RP1L1: variants seen among roughly 807,000 people sequenced by gnomAD.
The protein encoded by RP1L1 is retinitis pigmentosa 1-like 1 protein.
Under a neutral mutation model 15.7 loss-of-function variants are expected in RP1L1, and 27 were observed. The observed-to-expected ratio is 1.72, with a 90% CI of 1.27 to 2.38. RP1L1 has a LOEUF of 2.38. Among genes scored for constraint, RP1L1 ranks in the 30% most tolerant of loss-of-function variants. The pLI, the probability that RP1L1 is intolerant of heterozygous loss-of-function variation, is 0.00. For missense variants in RP1L1, 4,798 were observed against 3,075.9 expected, an observed-to-expected ratio of 1.56 and a Z score of -13.24; for synonymous variants, 1,813 against 1,276.7, an observed-to-expected ratio of 1.42 and a Z score of -8.96.
chr8:10,639,549 T>C (rs1177587570), intron 1 of RP1L1, among the ~76,000 whole-genome samples: 2 of 152,110 alleles, frequency 1.3e-5, no homozygotes, highest in African/African-American at 4.8e-5. Context: ...ATTTTTGAAC[T>C]TTTTGTAGAT....
chr8:10,608,976 C>T lies in RP1L1; in HGVS notation c.5122G>A (p.Val1708Met). 2 of 1,613,284 alleles carry T rather than the reference C, an allele frequency of 1.2e-6. No individual in the cohort carries two copies. Among genetic ancestry groups the T allele is most frequent in the Non-Finnish European group, 8.5e-7 (1 of 1,179,304 alleles). Residue 1708 changes from valine (V) to methionine (M), a missense_variant, in exon 4 of 4, where the codon GTG becomes ATG. Coordinates refer to ENST00000382483, the MANE Select transcript of RP1L1 (RefSeq NM_178857.6). ...GEHTDGEAAE[V>M]APGKTHTDPT... ...TCCGTGTGGGTCTTGCCAGGGGCCA[C>T]CTCTGCTGCCTCCCCATCAGTGTGT...
At chr8:10,635,463 A>G (rs1798315238) in intron 1 of RP1L1, among the ~76,000 whole-genome samples, 2 of 152,200 alleles carry the variant, frequency 1.3e-5, no homozygotes, top group South Asian at 4.1e-4. Context: ...AGCCAACGCA[A>G]TTCAGGTTGT....
At chr8:10,642,817 A>G (rs1798426216) in intron 1 of RP1L1, among the ~76,000 whole-genome samples, 1 of 152,176 alleles carries the variant, frequency 6.6e-6, no homozygotes, top group African/African-American at 2.4e-5. Context: ...ATTTTTTCAC[A>G]TTAGAAAGCT....
At chr8:10,637,367 G>A (rs140824913) in intron 1 of RP1L1, among the ~76,000 whole-genome samples, 1 of 152,324 alleles carries the variant, frequency 6.6e-6, no homozygotes, top group Non-Finnish European at 1.5e-5. Flanking sequence ...GACTTAATGA[G>A]GACCTCCTGT....
Position 10,611,356 on chromosome 8 carries a change from G to A in RP1L1, c.2742C>T (p.Ser914=), listed in dbSNP as rs932203869. Residue 914 remains serine (S), a synonymous_variant, in exon 4 of 4, where the codon AGC becomes AGT. Coordinates refer to ENST00000382483, the MANE Select transcript of RP1L1 (RefSeq NM_178857.6). ...ACAGCCCCCGAGACCCCGCACCCTG[G>A]CTGGCACTGCTTCTCCTTGATGCCC... ...NSGASRRSSA[S]QGAGSRGLSE... The A allele has an allele frequency of 1.9e-6, 3 of 1,611,126 alleles. No homozygotes were observed. The Admixed American group carries it at 5.0e-5, about 27-fold the overall frequency.
rs1232034693 is a variant in RP1L1 at position 10,622,730 on chromosome 8, T to C, written c.472A>G (p.Lys158Glu). Residue 158 changes from lysine to glutamate, a missense_variant, in exon 2 of 4, where the codon AAG becomes GAG. Physicochemically the swap from Lys to Glu is moderately conservative, Grantham distance 56. Coordinates refer to ENST00000382483, the MANE Select transcript of RP1L1 (RefSeq NM_178857.6). ...LKTPRRILLI[K>E]NMDPRLQQTV... Reference sequence around the variant, plus strand: ...TGCTGGAGGCGAGGGTCCATGTTCTTAATCAGCAGTATCCTCCGGGGGGTT... The same window carrying C: ...TGCTGGAGGCGAGGGTCCATGTTCTCAATCAGCAGTATCCTCCGGGGGGTT... The C allele has an allele frequency of 1.2e-6, 2 of 1,614,152 alleles. No homozygotes were observed. The highest frequency in any genetic ancestry group is 2.2e-5 in the East Asian group (1 of 44,872).
In RP1L1 at chr8:10,609,051, T is replaced by G. The variant is rs780293434; in HGVS notation, c.5047A>C (p.Ile1683Leu). 11 of 1,613,840 alleles carry G rather than the reference T, an allele frequency of 6.8e-6. No homozygotes were observed. Among genetic ancestry groups the G allele is most frequent in the Non-Finnish European group, 9.3e-6 (11 of 1,179,754 alleles). The change falls in exon 4 of 4, where the codon ATC becomes CTC. Residue 1683 changes from isoleucine to leucine, a missense_variant. Physicochemically the swap from Ile to Leu is conservative, Grantham distance 5. Transcript: ENST00000382483. ...KATMGATRGPIKEAFDLQQIL... is the reference protein window; with the variant it reads ...KATMGATRGPLKEAFDLQQIL... ...TGCTGCAGGTCAAAGGCCTCTTTGA[T>G]GGGACCTCTGGTTGCCCCCATTGTG...
chr8:10,624,668 G>A (rs1335426144), intron 1 of RP1L1, among the ~76,000 whole-genome samples: 2 of 150,250 alleles, frequency 1.3e-5, no homozygotes, highest in African/African-American at 5.1e-5. Context: ...GGGAGGAGAA[G>A]GTCGGAGGCT....
intron 1 of RP1L1, among the ~76,000 whole-genome samples, chr8:10,625,313 C>T (rs949771617): frequency 5.3e-5 from 8 of 152,162 alleles, no homozygotes; most frequent in African/African-American, 1.9e-4. Context: ...CACAGAAGCT[C>T]CCAGGAGGGA....
chr8:10,642,145 T>C (rs1798416349), intron 1 of RP1L1, among the ~76,000 whole-genome samples: 1 of 152,188 alleles, frequency 6.6e-6, no homozygotes, highest in South Asian at 2.1e-4. Flanking sequence ...TGCGTATAAA[T>C]CTATAATTAA....
At chr8:10,633,846 T>C (rs1014275461) in intron 1 of RP1L1, among the ~76,000 whole-genome samples, 8 of 152,236 alleles carry the variant, frequency 5.3e-5, no homozygotes, top group Non-Finnish European at 1.0e-4. Context: ...CATAGTTCCA[T>C]GAGGGATGCA....
intron 1 of RP1L1, among the ~76,000 whole-genome samples, chr8:10,644,162 G>A (rs73662889): frequency 0.019 from 2,894 of 152,016 alleles, 96 homozygotes; most frequent in African/African-American, 0.066. Flanking sequence ...AGCTCCGTTC[G>A]GGGACAGGGC....
intron 1 of RP1L1, among the ~76,000 whole-genome samples, chr8:10,629,438 T>A (rs1798208011): frequency 6.6e-6 from 1 of 152,066 alleles, no homozygotes; most frequent in Non-Finnish European, 1.5e-5. Context: ...AGAGGAGGAA[T>A]GGACTCGATT....
intron 1 of RP1L1, among the ~76,000 whole-genome samples, chr8:10,647,562 G>C (rs1586003595): frequency 6.6e-6 from 1 of 152,118 alleles, no homozygotes; most frequent in Non-Finnish European, 1.5e-5. Flanking sequence ...ACACCTCTAG[G>C]AACTTTACAG....
intron 1 of RP1L1, among the ~76,000 whole-genome samples, chr8:10,653,197 T>G (rs996990424): frequency 4.6e-5 from 7 of 152,128 alleles, no homozygotes; most frequent in African/African-American, 1.7e-4. Flanking sequence ...CCAAGATGAT[T>G]AAAGGATTGG....
At chr8:10,627,685 G>C (rs1288554742) in intron 1 of RP1L1, among the ~76,000 whole-genome samples, 1 of 151,956 alleles carries the variant, frequency 6.6e-6, no homozygotes, top group Non-Finnish European at 1.5e-5. Flanking sequence ...GGAGGGGGTG[G>C]GATGAATTAC....
chr8:10,618,136 GC>G (rs1798000616), intron 2 of RP1L1, among the ~76,000 whole-genome samples: 2 of 152,296 alleles, frequency 1.3e-5, no homozygotes, highest in Middle Eastern at 3.4e-3. Flanking sequence ...TCATTGGCCA[GC>G]CATGCAACTA....
At chr8:10,637,035 T>C (rs1798340043) in intron 1 of RP1L1, among the ~76,000 whole-genome samples, 1 of 152,174 alleles carries the variant, frequency 6.6e-6, no homozygotes, top group South Asian at 2.1e-4. Flanking sequence ...TCACTCACTC[T>C]CTCAGGTGGG....
At chr8:10,636,749 G>C (rs1275297721) in intron 1 of RP1L1, among the ~76,000 whole-genome samples, 1 of 152,234 alleles carries the variant, frequency 6.6e-6, no homozygotes, top group Non-Finnish European at 1.5e-5. Flanking sequence ...GCTCTTCGCT[G>C]GGATTAGGTT....
Sources: allele counts gnomAD v4.1 joint callset (sites outside exome capture counted in the v4.1 genomes callset), GRCh38; gene constraint gnomAD v4.1.1; transcripts MANE v1.5; gene names NCBI Gene and HGNC (gene_info 2026-07-23, HGNC 2026-07-21).